The following PDE4D variants were observed in gnomAD, a reference collection of about 807,000 sequenced individuals.
PDE4D encodes phosphodiesterase 4D.
Under a neutral mutation model 87.4 loss-of-function variants are expected in PDE4D, and 24 were observed. The observed-to-expected ratio is 0.27, with a 90% CI of 0.20 to 0.39. The LOEUF is 0.39. Among genes scored for constraint, PDE4D ranks in the 10% least tolerant of loss-of-function variants. The pLI is 1.00. For missense variants in PDE4D, 714 were observed against 1,041.0 expected (o/e 0.69, Z 4.32); for synonymous variants, 384 against 383.2 (o/e 1.00, Z -0.02).
Position 60,373,763 on chromosome 5 carries a change from T to A in PDE4D, c.-90+114179A>T, listed in dbSNP as rs1761214625. Among the ~76,000 whole-genome samples, 3 of 152,180 alleles carry A rather than the reference T, an allele frequency of 2.0e-5. No homozygotes were observed. The South Asian group carries it at 6.2e-4, about 32-fold the overall frequency. Reference sequence around the variant, plus strand: ...GTTTCTGGGAGGCTCCAGAGGAGAATCTATTTTCCTGCTTTTTCTGGCTTC... The same window carrying A: ...GTTTCTGGGAGGCTCCAGAGGAGAAACTATTTTCCTGCTTTTTCTGGCTTC... On this transcript the variant is annotated intron_variant, in intron 1 of 16. Coordinates refer to the PDE4D transcript ENST00000502484.
At chr5:59,217,689 C>T (rs546419856) in intron 1 of PDE4D, among the ~76,000 whole-genome samples, 43 of 152,212 alleles carry the variant, frequency 2.8e-4, no homozygotes, top group Non-Finnish European at 4.6e-4. Context: ...ACTGAGCTAA[C>T]TGCATTGAAT....
chr5:60,384,590 T>G (rs1762078387), intron 1 of PDE4D, among the ~76,000 whole-genome samples: 1 of 152,194 alleles, frequency 6.6e-6, no homozygotes, highest in African/African-American at 2.4e-5. Context: ...ATCACTCCCC[T>G]GGCCCTTGCC....
intron 1 of PDE4D, among the ~76,000 whole-genome samples, chr5:60,509,099 C>T (rs1750455341): frequency 6.6e-6 from 1 of 152,004 alleles, no homozygotes; most frequent in African/African-American, 2.4e-5. Context: ...GGGGTTGCAC[C>T]ATGTTGGCCA....
chr5:59,793,956 CTGTGGCGTGCAGGACGTTACCA>C (rs1405613100), intron 1 of PDE4D, among the ~76,000 whole-genome samples: 10 of 152,182 alleles, frequency 6.6e-5, no homozygotes, highest in African/African-American at 2.2e-4. Context: ...TATACAGCTC[CTGTGGCGTGCAGGACGTTACCA>C]TGTGGTATTT....
chr5:59,324,761 C>T (rs1361496694), intron 1 of PDE4D, among the ~76,000 whole-genome samples: 1 of 152,044 alleles, frequency 6.6e-6, no homozygotes, highest in Non-Finnish European at 1.5e-5. Flanking sequence ...CTCAGGATGG[C>T]TTTGGTTTAA....
At chr5:59,747,470 T>C (rs1349154808) in intron 1 of PDE4D, among the ~76,000 whole-genome samples, 1 of 152,186 alleles carries the variant, frequency 6.6e-6, no homozygotes, top group Non-Finnish European at 1.5e-5. Flanking sequence ...ACAACCATGA[T>C]GACTTTGAAT....
chr5:60,484,901 C>T (rs993718626), intron 1 of PDE4D, among the ~76,000 whole-genome samples: 1 of 152,184 alleles, frequency 6.6e-6, no homozygotes, highest in Non-Finnish European at 1.5e-5. Context: ...TGTGGATATT[C>T]ACCAATCTAG....
intron 1 of PDE4D, among the ~76,000 whole-genome samples, chr5:60,271,492 T>A (rs1188351741): frequency 6.6e-6 from 1 of 152,208 alleles, no homozygotes; most frequent in Non-Finnish European, 1.5e-5. Context: ...TTTCACCTTC[T>A]AATTCTTTCT....
At chr5:59,137,397 T>G (rs1428810036) in intron 5 of PDE4D, among the ~76,000 whole-genome samples, 1 of 151,960 alleles carries the variant, frequency 6.6e-6, no homozygotes, top group Non-Finnish European at 1.5e-5. Context: ...TCTAAATGGG[T>G]TTTCAAGGCA....
intron 1 of PDE4D, among the ~76,000 whole-genome samples, chr5:60,360,806 G>A (rs1422987345): frequency 6.6e-6 from 1 of 152,198 alleles, no homozygotes; most frequent in East Asian, 1.9e-4. Context: ...TAAATCCTAT[G>A]TAAGTGTCCC....
intron 1 of PDE4D, among the ~76,000 whole-genome samples, chr5:59,479,970 C>T (rs1263665237): frequency 6.6e-6 from 1 of 151,830 alleles, no homozygotes; most frequent in Non-Finnish European, 1.5e-5. Flanking sequence ...CTTATAATTT[C>T]TATGCCAAGC....
At chr5:60,084,525 C>G (rs1414440702) in intron 2 of PDE4D, among the ~76,000 whole-genome samples, 1 of 152,142 alleles carries the variant, frequency 6.6e-6, no homozygotes, top group African/African-American at 2.4e-5. Flanking sequence ...TATACCACTT[C>G]CCCTCCAAAA....
At chr5:60,216,136 C>A (rs1017585314) in intron 1 of PDE4D, among the ~76,000 whole-genome samples, 2 of 151,992 alleles carry the variant, frequency 1.3e-5, no homozygotes, top group African/African-American at 4.8e-5. Flanking sequence ...AATCAGATAG[C>A]GCTTTATTCT....
At chr5:60,081,218 T>G (rs1475410611) in intron 2 of PDE4D, among the ~76,000 whole-genome samples, 2 of 152,114 alleles carry the variant, frequency 1.3e-5, no homozygotes, top group Non-Finnish European at 2.9e-5. Context: ...GTGGGATTAG[T>G]GATGATATAT....
chr5:59,402,579 A>T (rs171800), intron 1 of PDE4D, among the ~76,000 whole-genome samples: 63,285 of 151,950 alleles, frequency 0.42, 13,458 homozygotes, highest in East Asian at 0.49. Context: ...AAATGTTAAA[A>T]AATTCCAATC....
intron 5 of PDE4D, among the ~76,000 whole-genome samples, chr5:59,070,451 C>T (rs1426644827): frequency 6.6e-6 from 1 of 152,154 alleles, no homozygotes; most frequent in East Asian, 1.9e-4. Context: ...AATGATATAA[C>T]TTTACAGTTA....
chr5:59,257,391 G>A (rs1320123390), intron 1 of PDE4D, among the ~76,000 whole-genome samples: 2 of 151,964 alleles, frequency 1.3e-5, no homozygotes, highest in Non-Finnish European at 2.9e-5. Flanking sequence ...GATATGTGTG[G>A]CTGTCATGCT....
At chr5:59,142,093 G>C (rs1777979440) in intron 5 of PDE4D, among the ~76,000 whole-genome samples, 1 of 152,112 alleles carries the variant, frequency 6.6e-6, no homozygotes, top group South Asian at 2.1e-4. Flanking sequence ...TGAATATTAG[G>C]CTGATAATAA....
At chr5:59,208,219 T>C (rs1330726163) in intron 2 of PDE4D, among the ~76,000 whole-genome samples, 1 of 152,120 alleles carries the variant, frequency 6.6e-6, no homozygotes, top group Non-Finnish European at 1.5e-5. Context: ...ATAGTGAGTA[T>C]AAAGGAAATC....
Sources: gnomAD v4.1 joint callset for allele counts (sites outside exome capture counted in the v4.1 genomes callset) on GRCh38, gnomAD v4.1.1 for gene constraint, MANE v1.5 for transcripts, NCBI Gene and HGNC (gene_info 2026-07-23, HGNC 2026-07-21) for gene names.